Variants in SEC22A observed in about 807,000 individuals in gnomAD.
SEC22A encodes vesicle-trafficking protein SEC22a.
A neutral mutation model predicts 35.3 loss-of-function variants in SEC22A; 22 were observed. The observed-to-expected ratio is 0.62, with a 90% CI of 0.45 to 0.89. The LOEUF (loss-of-function observed/expected upper bound fraction) is 0.89, where lower values mean the gene tolerates loss of function less well. SEC22A is among the 40% of genes least tolerant of loss of function. The pLI is 0.00. For missense variants in SEC22A, 354 were observed against 362.5 expected (o/e 0.98, Z 0.19); for synonymous variants, 119 against 129.5 (o/e 0.92, Z 0.55).
chr3:123,241,002 T>TACACCCAC (rs1937514839), intron 4 of SEC22A, among the ~76,000 whole-genome samples: 1 of 142,578 alleles, frequency 7.0e-6, no homozygotes, highest in Non-Finnish European at 1.5e-5. Context: ...CTCTCTTTCT[T>TACACCCAC]ACACACACAC....
At chr3:123,218,246 G>A (rs984572177) in intron 2 of SEC22A, among the ~76,000 whole-genome samples, 1 of 152,108 alleles carries the variant, frequency 6.6e-6, no homozygotes, top group Non-Finnish European at 1.5e-5. Context: ...TTCCTAGTGG[G>A]TGTGCCAGGG....
chr3:123,259,244 C>T lies in SEC22A; in HGVS notation c.658-280C>T, dbSNP rs77934330. On this transcript the variant is annotated intron_variant, in intron 5 of 6. Coordinates refer to ENST00000492595, the MANE Select transcript of SEC22A (RefSeq NM_012430.5). Reference sequence around the variant, plus strand: ...TAGCAGTAGGAGGAGAGGCTTTTATCGTTATGTCAGAACTTTTCCCCAGTG... The same window carrying T: ...TAGCAGTAGGAGGAGAGGCTTTTATTGTTATGTCAGAACTTTTCCCCAGTG... 9.5e-3 allele frequency among the ~76,000 whole-genome samples: 1,444 copies of T among 152,088 alleles called. 22 individuals carry two copies. The highest frequency in any genetic ancestry group is 0.012 in the Non-Finnish European group (811 of 67,982).
At chr3:123,257,397 T>C (rs998404005) in intron 5 of SEC22A, among the ~76,000 whole-genome samples, 1 of 152,204 alleles carries the variant, frequency 6.6e-6, no homozygotes, top group Non-Finnish European at 1.5e-5. Context: ...TGCTCCTAAG[T>C]GTTTTAAAGG....
Position 123,253,819 on chromosome 3 carries a change from T to C in SEC22A, c.658-5705T>C, listed in dbSNP as rs1285734154. Reference sequence around the variant, plus strand: ...CTATGCTAAGGTGTGGTGCTTACTTTCTTTCAAAAGAAATAAAAGCATTTT... The same window carrying C: ...CTATGCTAAGGTGTGGTGCTTACTTCCTTTCAAAAGAAATAAAAGCATTTT... On this transcript the variant is annotated intron_variant, in intron 5 of 6. Coordinates refer to ENST00000492595, the MANE Select transcript of SEC22A (RefSeq NM_012430.5). 2.6e-5 allele frequency among the ~76,000 whole-genome samples: 4 copies of C among 152,024 alleles called. No individual in the cohort carries two copies. The East Asian group carries it at 7.7e-4, about 29-fold the overall frequency.
intron 5 of SEC22A, among the ~76,000 whole-genome samples, chr3:123,247,605 A>G (rs896637242): frequency 1.3e-5 from 2 of 152,198 alleles, no homozygotes; most frequent in Non-Finnish European, 2.9e-5. Flanking sequence ...GCTAAAACCT[A>G]CCTGGTTTCC....
chr3:123,228,825 A>C (rs1382501325), intron 4 of SEC22A, among the ~76,000 whole-genome samples: 1 of 152,154 alleles, frequency 6.6e-6, no homozygotes, highest in Non-Finnish European at 1.5e-5. Context: ...ATTTTTAAAA[A>C]ACACAGTGGA....
chr3:123,208,188 A>G (rs1302376777), intron 1 of SEC22A: 1 of 152,176 alleles, frequency 6.6e-6, no homozygotes, highest in Non-Finnish European at 1.5e-5. Context: ...TTACCACATT[A>G]TTAAACTTTC....
At chr3:123,251,510 A>G (rs1023634666) in intron 5 of SEC22A, among the ~76,000 whole-genome samples, 1 of 152,202 alleles carries the variant, frequency 6.6e-6, no homozygotes, top group Non-Finnish European at 1.5e-5. Context: ...TTCCCTTAGC[A>G]CTTAAAGTCT....
intron 2 of SEC22A, among the ~76,000 whole-genome samples, chr3:123,211,342 G>T (rs768368858): frequency 2.6e-5 from 4 of 152,046 alleles, no homozygotes; most frequent in Non-Finnish European, 5.9e-5. Flanking sequence ...GAAGGAAGGG[G>T]CAAAGATGAC....
chr3:123,202,859 AT>A (rs1318677083), intron 1 of SEC22A, among the ~76,000 whole-genome samples: 1 of 152,108 alleles, frequency 6.6e-6, no homozygotes, highest in Non-Finnish European at 1.5e-5. Flanking sequence ...CAAACTCTGA[AT>A]CACTTTCCAT....
intron 6 of SEC22A, among the ~76,000 whole-genome samples, chr3:123,266,980 G>A (rs1938040999): frequency 6.6e-6 from 1 of 151,978 alleles, no homozygotes; most frequent in Non-Finnish European, 1.5e-5. Context: ...TGTTGGGTGA[G>A]CCCATTTATC....
At chr3:123,265,833 T>C (rs1308630292) in intron 6 of SEC22A, among the ~76,000 whole-genome samples, 1 of 152,220 alleles carries the variant, frequency 6.6e-6, no homozygotes, top group Non-Finnish European at 1.5e-5. Context: ...TGCACCTTTG[T>C]AAAAAATCAG....
In SEC22A at chr3:123,245,920, C is replaced by T. The variant is rs112619263; in HGVS notation, c.563C>T (p.Ala188Val). 8 of 1,608,480 alleles carry T rather than the reference C, an allele frequency of 5.0e-6. No homozygotes were observed. The highest frequency in any genetic ancestry group is 4.4e-5 in the South Asian group (4 of 90,556). The stretch of plus-strand genomic sequence containing the variant: ...CCAGCTCACCAGCGACTGGAACCAG[C>T]AACTCTGTCAGGGATTGTAGGATTT... ...ISSAHQRLEP[A>V]TLSGIVGFIL... The change falls in exon 5 of 7, where the codon GCA becomes GTA. Residue 188 changes from alanine (A) to valine (V), a missense_variant. Transcript: ENST00000492595.
intron 2 of SEC22A, among the ~76,000 whole-genome samples, chr3:123,217,701 T>C (rs1450759499): frequency 6.6e-6 from 1 of 152,218 alleles, no homozygotes; most frequent in Non-Finnish European, 1.5e-5. Context: ...ACAAATAATA[T>C]ATCAGTTCAT....
chr3:123,263,372 C>T (rs1937936539), intron 6 of SEC22A, among the ~76,000 whole-genome samples: 1 of 152,210 alleles, frequency 6.6e-6, no homozygotes, highest in Admixed American at 6.5e-5. Flanking sequence ...TCTTCCTCCT[C>T]CTACATAGTC....
intron 6 of SEC22A, 33 bp downstream of exon 6, chr3:123,259,622 C>A (rs780054322): frequency 3.5e-6 from 5 of 1,443,718 alleles, no homozygotes; most frequent in Non-Finnish European, 2.9e-6. Flanking sequence ...GAAACACTTA[C>A]CATTATTGTT....
At chr3:123,232,188 T>C (rs1160514573) in intron 4 of SEC22A, among the ~76,000 whole-genome samples, 1 of 152,060 alleles carries the variant, frequency 6.6e-6, no homozygotes, top group East Asian at 1.9e-4. Context: ...TGCAGTGAGC[T>C]GAGATCACAC....
At chr3:123,228,948 C>G (rs1937265191) in intron 4 of SEC22A, among the ~76,000 whole-genome samples, 1 of 151,806 alleles carries the variant, frequency 6.6e-6, no homozygotes, top group East Asian at 1.9e-4. Context: ...TAGAGATTAT[C>G]TAATCTGAAA....
intron 4 of SEC22A, among the ~76,000 whole-genome samples, chr3:123,232,092 T>C (rs936324157): frequency 1.3e-5 from 2 of 151,862 alleles, no homozygotes; most frequent in African/African-American, 4.8e-5. Flanking sequence ...TACAAAAAAT[T>C]AGCTGAGCAT....
Sources: allele counts gnomAD v4.1 joint callset (sites outside exome capture counted in the v4.1 genomes callset), GRCh38; gene constraint gnomAD v4.1.1; transcripts MANE v1.5; gene names NCBI Gene and HGNC (gene_info 2026-07-23, HGNC 2026-07-21).